Variants in TNRC18 observed in about 807,000 individuals in gnomAD.
TNRC18 encodes the protein trinucleotide repeat-containing gene 18 protein.
Under a neutral mutation model 226.7 loss-of-function variants are expected in TNRC18, and 69 were observed. The ratio of observed to expected loss-of-function variants is 0.30; its 90% CI spans 0.25 to 0.37. The LOEUF is 0.37. Ranked by LOEUF, TNRC18 falls within the 10% of genes least tolerant of loss-of-function variation. TNRC18 has a pLI of 1.00. For synonymous variants in TNRC18, 2,449 were observed against 1,927.6 expected (o/e 1.27, Z -7.09); for missense variants, 4,754 against 4,256.6 (o/e 1.12, Z -3.25).
Position 5,388,408 on chromosome 7 carries a change from C to A in TNRC18, c.1416G>T (p.Pro472=). Residue 472 remains proline (P), a synonymous_variant, in exon 5 of 30, where the codon CCG becomes CCT. Transcript: ENST00000430969. ...CGCGGGGCGCACGCTCGCAGGGCCT[C>A]GGGTCCGCCTCGGGCTTGAGCAGCT... is the stretch of plus-strand genomic sequence containing the variant. The part of the protein sequence containing the change: ...AKELLKPEAD[P]RPCERAPRGP... 1 of 1,497,474 alleles carries A rather than the reference C, an allele frequency of 6.7e-7. No individual in the cohort carries two copies. 92.8% of individuals were successfully genotyped at this position (1,497,474 alleles called of 1,614,324 possible).
At chr7:5,357,459 T>C (rs1379764090) in intron 15 of TNRC18, among the ~76,000 whole-genome samples, 183 bp from the exon 16 acceptor site, 1 of 152,136 alleles carries the variant, frequency 6.6e-6, no homozygotes, top group Non-Finnish European at 1.5e-5. Context: ...TCGCCCAGCC[T>C]GGGGTTCAGT....
chr7:5,389,585 G>A (rs993015688), intron 4 of TNRC18: 2 of 298,892 alleles, frequency 6.7e-6, no homozygotes, highest in African/African-American at 4.5e-5. Flanking sequence ...CTCTCCGGTA[G>A]CTGGGATTAC....
chr7:5,379,132 G>C (rs931178945), intron 5 of TNRC18, among the ~76,000 whole-genome samples: 5 of 152,004 alleles, frequency 3.3e-5, no homozygotes, highest in Non-Finnish European at 5.9e-5. Flanking sequence ...AGGAGGCAGA[G>C]GTTGCAGTGA....
Position 5,312,378 on chromosome 7 carries a change from C to A in TNRC18, c.8388+125G>T. The A allele has an allele frequency of 5.0e-6, 7 of 1,398,766 alleles. No individual in the cohort carries two copies. In the South Asian group the frequency reaches 1.0e-4, roughly 21 times the overall value. The allele number at this position is 1,398,766 out of a possible 1,614,324, so 86.6% of individuals were successfully genotyped here. A position where few individuals can be genotyped will look rare whatever the true frequency, so the allele number is the denominator to read the frequency against. On this transcript the variant is annotated intron_variant, in intron 27 of 29. Transcript: ENST00000430969. This position sits in a 1 kb window ranked among gnomAD's most constrained non-coding sequence, Gnocchi z 6.3. Reference sequence around the variant, plus strand: ...GTGTACCCATCCATAAAGTGGGACGCCAGCCCTCCACCCTGGGGTTCTGGG... The same window carrying A: ...GTGTACCCATCCATAAAGTGGGACGACAGCCCTCCACCCTGGGGTTCTGGG...
chr7:5,355,168 C>G (rs1792223964), intron 16 of TNRC18, among the ~76,000 whole-genome samples: 1 of 152,356 alleles, frequency 6.6e-6, no homozygotes, highest in South Asian at 2.1e-4. Context: ...CCGCCCTGGG[C>G]ATGAGGTGCT....
rs774751454 is a variant in TNRC18, at chr7:5,309,388, A to T, written c.8389-20T>A. 21 of 1,589,830 alleles carry T rather than the reference A, an allele frequency of 1.3e-5. No individual in the cohort carries two copies. In the Admixed American group the frequency reaches 3.5e-4, roughly 27 times the overall value. On this transcript the variant is annotated intron_variant, in intron 27 of 29. Coordinates refer to ENST00000430969, the MANE Select transcript of TNRC18 (RefSeq NM_001080495.3). This position sits in a 1 kb window ranked among gnomAD's most constrained non-coding sequence, Gnocchi z 5.7. ...ACGCCGCTGCAAGGACACGTGTGTC[A>T]CGGCACAGGCCCTGGCCCAGCCCCA...
At chr7:5,370,212 A>G (rs1475527443) in intron 11 of TNRC18, among the ~76,000 whole-genome samples, 163 bp downstream of exon 11, 1 of 152,172 alleles carries the variant, frequency 6.6e-6, no homozygotes, top group Non-Finnish European at 1.5e-5. Context: ...AGCCCAAGCT[A>G]CTGGGGAGGC....
intron 5 of TNRC18, among the ~76,000 whole-genome samples, chr7:5,386,079 G>A (rs934265811): frequency 6.6e-6 from 1 of 151,664 alleles, no homozygotes. Flanking sequence ...TTGAGGTCAG[G>A]AGTTTGAGAC....
At chr7:5,361,548 C>G in intron 14 of TNRC18, 46 bp downstream of exon 14, 1 of 1,451,618 alleles carries the variant, frequency 6.9e-7, no homozygotes, top group Non-Finnish European at 9.1e-7. Flanking sequence ...GGCTCCTCCC[C>G]TCAAGCTGTG....
chr7:5,328,620 T>C (rs1440258844), intron 19 of TNRC18, among the ~76,000 whole-genome samples: 1 of 151,990 alleles, frequency 6.6e-6, no homozygotes, highest in Non-Finnish European at 1.5e-5. Flanking sequence ...GCGATTCTTC[T>C]GCCTCGGCCT....
In TNRC18 at chr7:5,351,892, C is replaced by T. The variant is rs777957773; in HGVS notation, c.5397G>A (p.Pro1799=). ...CGGCCTCTCGAAGCAGCAGACAAAA[C>T]GGCTGCTTCCTGCTGGTGGCCGGCT... ...KPKPATSRKQ[P]FCLLLREAEA... Residue 1799 remains proline (P), a synonymous_variant, in exon 17 of 30, where the codon CCG becomes CCA. Coordinates refer to ENST00000430969, the MANE Select transcript of TNRC18 (RefSeq NM_001080495.3). The T allele has an allele frequency of 8.1e-6, 13 of 1,613,446 alleles. No individual in the cohort carries two copies. Among genetic ancestry groups the T allele is most frequent in the South Asian group, 1.1e-5 (1 of 91,036 alleles).
At chr7:5,361,046 T>TCG (rs2128160120) in intron 14 of TNRC18, among the ~76,000 whole-genome samples, 1 of 152,210 alleles carries the variant, frequency 6.6e-6, no homozygotes, top group Admixed American at 6.5e-5. Context: ...TGTGCACGCC[T>TCG]CGCCCTGCGG....
chr7:5,336,747 A>C (rs1042345197), intron 18 of TNRC18, among the ~76,000 whole-genome samples: 6 of 152,196 alleles, frequency 3.9e-5, no homozygotes, highest in Admixed American at 1.3e-4. Context: ...GTCTCAAACA[A>C]CACAAAGAAA....
intron 9 of TNRC18, among the ~76,000 whole-genome samples, chr7:5,375,595 T>C (rs1794586779): frequency 6.6e-6 from 1 of 152,028 alleles, no homozygotes; most frequent in Admixed American, 6.6e-5. Context: ...ACCCTTTGTG[T>C]CCCCTATCTT....
At position 5,402,318 on chromosome 7, in the gene TNRC18, G is replaced by C. The variant is rs191728060; in HGVS notation, c.188-7723C>G. 1.7e-4 allele frequency among the ~76,000 whole-genome samples: 26 copies of C among 151,850 alleles called. 1 individual carries two copies. Among genetic ancestry groups the C allele is most frequent in the Admixed American group, 6.6e-4 (10 of 15,214 alleles). ...GGAGGCCAAGGCAGGCAGATCACTT[G>C]AGGTCAGGAGTTTGAGACCAGCCTG... On this transcript the variant is annotated intron_variant, in intron 2 of 29. Coordinates refer to ENST00000430969, the MANE Select transcript of TNRC18 (RefSeq NM_001080495.3).
intron 27 of TNRC18, among the ~76,000 whole-genome samples, chr7:5,310,957 T>C (rs1255057210): frequency 5.9e-5 from 9 of 152,160 alleles, no homozygotes; most frequent in Admixed American, 1.3e-4. Flanking sequence ...TTTGTGTGTG[T>C]GCACGTGTAC....
At chr7:5,400,703 A>G (rs1781024194) in intron 2 of TNRC18, among the ~76,000 whole-genome samples, 1 of 152,160 alleles carries the variant, frequency 6.6e-6, no homozygotes, top group African/African-American at 2.4e-5. Flanking sequence ...CACATTTCAA[A>G]TGGTTAATTG....
In TNRC18 at chr7:5,371,180, G is replaced by T; in HGVS notation, c.3414C>A (p.Ser1138=). ...PEDKPIRLSP[S]KITEPLREGP... ...CCTCCCGCAGCGGCTCTGTGATCTT[G>T]GAGGGGGACAAGCGGATGGGCTTGT... Residue 1138 remains serine, a synonymous_variant, in exon 11 of 30, where the codon TCC becomes TCA. Transcript: ENST00000430969. 6.2e-7 allele frequency: 1 copy of T among 1,606,686 alleles called. No individual in the cohort carries two copies.
chr7:5,349,602 G>A (rs890693821), intron 17 of TNRC18, among the ~76,000 whole-genome samples: 3 of 152,188 alleles, frequency 2.0e-5, no homozygotes, highest in South Asian at 4.1e-4. Context: ...GCCTACCTAC[G>A]GAGCAACGAG....
Sources: allele counts gnomAD v4.1 joint callset (sites outside exome capture counted in the v4.1 genomes callset), GRCh38; gene constraint gnomAD v4.1.1; non-coding constraint Gnocchi (gnomAD v3.1); transcripts MANE v1.5; gene names NCBI Gene and HGNC (gene_info 2026-07-23, HGNC 2026-07-21).